RBFOX1: variants seen among roughly 807,000 people sequenced by gnomAD.
The protein encoded by RBFOX1 is RNA binding protein fox-1 homolog 1.
RBFOX1 carries 8 observed loss-of-function variants against 57.7 expected under a neutral mutation model. The observed-to-expected ratio is 0.14, with a 90% CI of 0.08 to 0.25. RBFOX1 has a LOEUF of 0.25. Among genes scored for constraint, RBFOX1 ranks in the 10% least tolerant of loss-of-function variants. The probability of loss-of-function intolerance (pLI) is 1.00; values close to 1 mark genes in which losing one functional copy is unlikely to be tolerated. For missense variants in RBFOX1, 611 were observed against 548.5 expected (o/e 1.11, Z -1.14); for synonymous variants, 326 against 222.4 (o/e 1.47, Z -4.15).
intron 2 of RBFOX1, among the ~76,000 whole-genome samples, chr16:5,523,847 G>A (rs2044125197): frequency 1.3e-5 from 2 of 152,294 alleles, no homozygotes; most frequent in South Asian, 4.1e-4. Context: ...GGCCCCTGGA[G>A]GACCAGGTGT....
chr16:7,153,138 G>A (rs1979402), intron 4 of RBFOX1, among the ~76,000 whole-genome samples: 134,948 of 152,144 alleles, frequency 0.89, 59,932 homozygotes, highest in East Asian at 1. Flanking sequence ...TAAAGCAGCT[G>A]AATATCCTCC....
chr16:6,555,527 G>A (rs1239581190), intron 2 of RBFOX1, among the ~76,000 whole-genome samples: 6 of 152,056 alleles, frequency 3.9e-5, no homozygotes, highest in African/African-American at 1.2e-4. Context: ...GTGAAACCCC[G>A]TCTCTACTAA....
intron 2 of RBFOX1, among the ~76,000 whole-genome samples, chr16:6,633,514 G>C (rs1271960019): frequency 2.0e-5 from 3 of 152,150 alleles, no homozygotes; most frequent in East Asian, 3.9e-4. Flanking sequence ...GGCTGATCTT[G>C]AATACCTGGC....
chr16:6,701,012 G>T (rs1568273697), intron 3 of RBFOX1, among the ~76,000 whole-genome samples: 3 of 150,442 alleles, frequency 2.0e-5, no homozygotes, highest in South Asian at 4.2e-4. Flanking sequence ...TAAAAGAAAG[G>T]AGTAGAGAGC....
chr16:7,253,844 GA>G (rs2094576875), intron 4 of RBFOX1, among the ~76,000 whole-genome samples: 1 of 152,138 alleles, frequency 6.6e-6, no homozygotes, highest in Non-Finnish European at 1.5e-5. Context: ...GTCTGCACAT[GA>G]GAGCTCTTGA....
chr16:7,141,567 G>A (rs2073796985), intron 4 of RBFOX1, among the ~76,000 whole-genome samples: 2 of 152,138 alleles, frequency 1.3e-5, no homozygotes, highest in South Asian at 2.1e-4. Flanking sequence ...TTTGGAAGGT[G>A]GGGCCATTTA....
At chr16:5,287,579 G>A (rs1433190916) in intron 1 of RBFOX1, among the ~76,000 whole-genome samples, 1 of 152,142 alleles carries the variant, frequency 6.6e-6, no homozygotes, top group Non-Finnish European at 1.5e-5. Context: ...TATTTTCATG[G>A]ATCTATGGAT....
chr16:6,081,726 C>G (rs1025217428), intron 1 of RBFOX1, among the ~76,000 whole-genome samples: 5 of 152,186 alleles, frequency 3.3e-5, no homozygotes, highest in Non-Finnish European at 7.3e-5. Flanking sequence ...AAGAAGGTAT[C>G]TAGCAATAGC....
intron 3 of RBFOX1, among the ~76,000 whole-genome samples, chr16:7,017,460 C>G (rs990166807): frequency 2.6e-5 from 4 of 152,182 alleles, no homozygotes; most frequent in African/African-American, 9.6e-5. Flanking sequence ...AACGCACACA[C>G]TGACGCGCGC....
chr16:6,115,143 T>C (rs1367612133), intron 1 of RBFOX1, among the ~76,000 whole-genome samples: 1 of 152,176 alleles, frequency 6.6e-6, no homozygotes, highest in East Asian at 1.9e-4. Flanking sequence ...TATCTGGGTA[T>C]TGCTTTTATC....
At chr16:6,438,074 G>A (rs923599163) in intron 2 of RBFOX1, among the ~76,000 whole-genome samples, 1 of 152,170 alleles carries the variant, frequency 6.6e-6, no homozygotes, top group Non-Finnish European at 1.5e-5. Flanking sequence ...CCTGGGTTAA[G>A]AGAGTTTGTA....
At chr16:5,654,564 C>T (rs1019319349) in intron 3 of RBFOX1, among the ~76,000 whole-genome samples, 1 of 152,118 alleles carries the variant, frequency 6.6e-6, no homozygotes, top group Non-Finnish European at 1.5e-5. Context: ...TGGTTCAAGC[C>T]TGTCCTGTGC....
intron 2 of RBFOX1, among the ~76,000 whole-genome samples, chr16:6,611,292 G>A (rs1475483901): frequency 2.6e-5 from 4 of 152,082 alleles, no homozygotes; most frequent in Admixed American, 6.5e-5. Context: ...GAATACAGGC[G>A]CACACCACCA....
chr16:6,983,092 G>C (rs546751855), intron 3 of RBFOX1, among the ~76,000 whole-genome samples: 4 of 131,986 alleles, frequency 3.0e-5, no homozygotes, highest in Non-Finnish European at 6.7e-5. Flanking sequence ...TGGCCATGCT[G>C]AGACATGAGT....
intron 14 of RBFOX1, among the ~76,000 whole-genome samples, chr16:7,705,747 G>C (rs1292876427): frequency 6.6e-6 from 1 of 152,202 alleles, no homozygotes; most frequent in East Asian, 1.9e-4. Context: ...GAAGGAGCAA[G>C]AGTTGAAAAA....
intron 3 of RBFOX1, among the ~76,000 whole-genome samples, chr16:6,818,975 C>T (rs1049637589): frequency 2.9e-5 from 4 of 135,728 alleles, no homozygotes; most frequent in African/African-American, 1.0e-4. Context: ...GGTTGAAAGG[C>T]ACCTGTCTGA....
At chr16:7,075,358 G>A (rs1375602777) in intron 4 of RBFOX1, among the ~76,000 whole-genome samples, 1 of 152,190 alleles carries the variant, frequency 6.6e-6, no homozygotes, top group African/African-American at 2.4e-5. Flanking sequence ...AGAAGAGTTG[G>A]GAAGTCAAAA....
In RBFOX1 at chr16:7,073,699, A is replaced by G. The variant is rs181003670; in HGVS notation, c.27+21601A>G. 4.6e-3 allele frequency among the ~76,000 whole-genome samples: 701 copies of G among 151,948 alleles called. 5 individuals carry two copies. The highest frequency in any genetic ancestry group is 0.016 in the African/African-American group (656 of 41,436). On this transcript the variant is annotated intron_variant, in intron 4 of 15. Transcript: ENST00000550418. ...TCTCTACAAAATAATAAAAAAAAAT[A>G]TATACAAAAAAAAATTACACAGGAA...
At chr16:5,380,688 C>T (rs2066108835) in intron 1 of RBFOX1, among the ~76,000 whole-genome samples, 1 of 152,164 alleles carries the variant, frequency 6.6e-6, no homozygotes, top group South Asian at 2.1e-4. Flanking sequence ...GAAACTGAGT[C>T]ACAGAGAGGG....
Sources: gnomAD v4.1 joint callset for allele counts (sites outside exome capture counted in the v4.1 genomes callset) on GRCh38, gnomAD v4.1.1 for gene constraint, MANE v1.5 for transcripts, NCBI Gene and HGNC (gene_info 2026-07-23, HGNC 2026-07-21) for gene names.